EFHB: variants seen among roughly 807,000 people sequenced by gnomAD.
The protein encoded by EFHB is EF-hand domain family member B, also known as EF-hand domain-containing family member B.
A neutral mutation model predicts 87.2 loss-of-function variants in EFHB; 91 were observed. That is an observed-to-expected ratio of 1.04 (90% CI 0.88 to 1.24). The LOEUF is 1.24. Ranked by LOEUF, EFHB falls within the 50% of genes most tolerant of loss-of-function variation. The pLI, the probability that EFHB is intolerant of heterozygous loss-of-function variation, is 0.00. For synonymous variants in EFHB, 325 were observed against 333.6 expected (o/e 0.97, Z 0.28); for missense variants, 1,084 against 998.8 (o/e 1.09, Z -1.15).
intron 5 of EFHB, among the ~76,000 whole-genome samples, chr3:19,908,617 A>AG (rs1694944378): frequency 6.7e-6 from 1 of 148,608 alleles, no homozygotes; most frequent in African/African-American, 2.6e-5. Flanking sequence ...AGAAAGAAAG[A>AG]AAGAAAGAAA....
At chr3:19,890,234 G>A (rs779234848) in intron 9 of EFHB, among the ~76,000 whole-genome samples, 1 of 152,148 alleles carries the variant, frequency 6.6e-6, no homozygotes, top group African/African-American at 2.4e-5. Flanking sequence ...TTACTTACTA[G>A]TGCAAAGCCA....
chr3:19,939,369 C>CTT (rs1559479871), intron 1 of EFHB, among the ~76,000 whole-genome samples: 3 of 87,476 alleles, frequency 3.4e-5, no homozygotes, highest in South Asian at 4.6e-4. Context: ...GGTTGGGTCT[C>CTT]CTTTTTTTTT....
intron 1 of EFHB, among the ~76,000 whole-genome samples, chr3:19,928,809 T>TAGA (rs1307047369): frequency 6.6e-6 from 1 of 151,738 alleles, no homozygotes; most frequent in African/African-American, 2.4e-5. Flanking sequence ...AGGTAGGAAA[T>TAGA]AGAGATAGAT....
intron 12 of EFHB, among the ~76,000 whole-genome samples, chr3:19,881,697 T>C (rs1194990243): frequency 2.0e-5 from 3 of 152,154 alleles, no homozygotes; most frequent in Non-Finnish European, 4.4e-5. Context: ...GGGATGCATC[T>C]GCCATTAATT....
At chr3:19,909,511 C>T (rs28886381) in intron 5 of EFHB, among the ~76,000 whole-genome samples, 4,560 of 152,242 alleles carry the variant, frequency 0.03, 232 homozygotes, top group African/African-American at 0.1. Flanking sequence ...AACTCTTAGG[C>T]GACTCCCAGA....
At chr3:19,936,257 G>A (rs943984560), upstream of EFHB, 106 of 732,572 alleles carry the variant, frequency 1.4e-4, no homozygotes, top group Admixed American at 2.1e-3. Context: ...GGCTGAAGTG[G>A]GAGGATCACT....
rs376781644 is a variant in EFHB, at chr3:19,919,832, C to G, written c.996+1G>C. On this transcript the variant is annotated splice_donor_variant, in intron 3 of 12. Coordinates refer to ENST00000295824, the MANE Select transcript of EFHB (RefSeq NM_144715.4). LOFTEE classifies it high-confidence loss of function. ...ACAAGGAAAAAAAGAAAATAACTTA[C>G]CAGTACTGAAATTTTAGATCTAATT... 3 of 1,610,310 alleles carry G rather than the reference C, an allele frequency of 1.9e-6. No individual in the cohort carries two copies. Among genetic ancestry groups the G allele is most frequent in the Admixed American group, 1.7e-5 (1 of 59,750 alleles).
intron 10 of EFHB, among the ~76,000 whole-genome samples, chr3:19,886,669 A>G (rs1418198557): frequency 9.4e-6 from 1 of 106,640 alleles, no homozygotes; most frequent in Non-Finnish European, 1.9e-5. Flanking sequence ...AGAGTGAGAC[A>G]CTGTCTCAAA....
chr3:19,939,504 CCT>C (rs1171238411), intron 1 of EFHB, among the ~76,000 whole-genome samples: 3 of 150,818 alleles, frequency 2.0e-5, no homozygotes, highest in Admixed American at 1.3e-4. Flanking sequence ...CCCGCCTCAG[CCT>C]CTAGAGTAGC....
At chr3:19,882,495 A>T (rs1037254206) in intron 12 of EFHB, 55 bp downstream of exon 12, 1 of 1,372,032 alleles carries the variant, frequency 7.3e-7, no homozygotes, top group African/African-American at 1.5e-5. Flanking sequence ...AAATTCTAAA[A>T]TAGTAGTTGT....
At chr3:19,924,455 T>G (rs913285366) in intron 1 of EFHB, among the ~76,000 whole-genome samples, 1 of 151,972 alleles carries the variant, frequency 6.6e-6, no homozygotes, top group Admixed American at 6.6e-5. Flanking sequence ...CTCGTGATCC[T>G]CCCTCCTCAG....
At chr3:19,929,893 G>A (rs1474493861) in intron 1 of EFHB, among the ~76,000 whole-genome samples, 1 of 152,046 alleles carries the variant, frequency 6.6e-6, no homozygotes, top group African/African-American at 2.4e-5. Context: ...AAAGTATAGA[G>A]TAACTAACAA....
intron 1 of EFHB, among the ~76,000 whole-genome samples, chr3:19,920,890 G>A (rs763178756): frequency 2.8e-4 from 43 of 152,184 alleles, no homozygotes; most frequent in Admixed American, 5.2e-4. Flanking sequence ...TAGATCACAG[G>A]TTAATTATTC....
chr3:19,920,987 A>T (rs542678836), intron 1 of EFHB, among the ~76,000 whole-genome samples: 13 of 152,280 alleles, frequency 8.5e-5, no homozygotes, highest in African/African-American at 3.1e-4. Context: ...TCGAGGCTAC[A>T]GTGAGCTGTG....
At chr3:19,940,442 C>G in intron 1 of EFHB, 1 of 478,386 alleles carries the variant, frequency 2.1e-6, no homozygotes, top group Non-Finnish European at 4.2e-6. Context: ...TGATTCTTAT[C>G]TATCCAGTTA....
intron 1 of EFHB, among the ~76,000 whole-genome samples, chr3:19,941,744 C>G (rs1696162942): frequency 1.3e-5 from 2 of 151,670 alleles, no homozygotes; most frequent in African/African-American, 2.4e-5. Context: ...GTAATCCCAG[C>G]TACTCGGGAG....
chr3:19,915,799 G>T (rs1478408975), intron 4 of EFHB, among the ~76,000 whole-genome samples: 1 of 149,056 alleles, frequency 6.7e-6, no homozygotes, highest in East Asian at 2.0e-4. Flanking sequence ...ATGGTGAAAC[G>T]CCATCTCTAC....
chr3:19,925,560 A>C (rs1481482404), intron 1 of EFHB, among the ~76,000 whole-genome samples: 2 of 152,022 alleles, frequency 1.3e-5, no homozygotes, highest in East Asian at 3.9e-4. Context: ...TCTGTCTGTA[A>C]CCCAACTCCA....
At chr3:19,913,847 AT>A (rs1307958524) in intron 5 of EFHB, among the ~76,000 whole-genome samples, 1 of 152,228 alleles carries the variant, frequency 6.6e-6, no homozygotes, top group African/African-American at 2.4e-5. Flanking sequence ...ACATAGACCA[AT>A]GGAACAGAAT....
Sources: allele counts gnomAD v4.1 joint callset (sites outside exome capture counted in the v4.1 genomes callset), GRCh38; gene constraint gnomAD v4.1.1; transcripts MANE v1.5; gene names NCBI Gene and HGNC (gene_info 2026-07-23, HGNC 2026-07-21).